NTM: variants seen among roughly 807,000 people sequenced by gnomAD.
NTM encodes neurotrimin.
Under a neutral mutation model 42.1 loss-of-function variants are expected in NTM, and 13 were observed. That is an observed-to-expected ratio of 0.31 (90% CI 0.20 to 0.49). The LOEUF (loss-of-function observed/expected upper bound fraction) is 0.49. NTM is among the 20% of genes least tolerant of loss of function. NTM has a pLI of 0.99. For missense variants in NTM, 373 were observed against 452.8 expected (o/e 0.82, Z 1.60); for synonymous variants, 187 against 179.2 (o/e 1.04, Z -0.35).
intron 1 of NTM, among the ~76,000 whole-genome samples, chr11:131,650,501 CCTGGTTTCT>C (rs1403790033): frequency 6.6e-6 from 1 of 152,178 alleles, no homozygotes; most frequent in Non-Finnish European, 1.5e-5. Context: ...TTTTGACTTC[CCTGGTTTCT>C]CAGTAAAGAC....
intron 2 of NTM, among the ~76,000 whole-genome samples, chr11:131,972,318 G>T (rs1462499110): frequency 6.6e-6 from 1 of 151,978 alleles, no homozygotes; most frequent in African/African-American, 2.4e-5. Flanking sequence ...ACTTACAATA[G>T]TGTCTGGCCA....
chr11:131,917,622 T>C (rs1468749513), intron 2 of NTM, among the ~76,000 whole-genome samples: 1 of 152,152 alleles, frequency 6.6e-6, no homozygotes, highest in African/African-American at 2.4e-5. Context: ...TTTCTCTCTG[T>C]TTGTGGAGTC....
chr11:132,200,741 G>A (rs2081034499), intron 3 of NTM, among the ~76,000 whole-genome samples: 1 of 152,206 alleles, frequency 6.6e-6, no homozygotes, highest in Non-Finnish European at 1.5e-5. Flanking sequence ...GACCACCTGG[G>A]GACAGGGGCT....
At chr11:131,805,387 C>A (rs971806911) in intron 1 of NTM, among the ~76,000 whole-genome samples, 1 of 152,114 alleles carries the variant, frequency 6.6e-6, no homozygotes, top group African/African-American at 2.4e-5. Flanking sequence ...CCACAAGAAG[C>A]CTTGTTTGAT....
At chr11:131,806,956 C>T (rs1413917520) in intron 1 of NTM, among the ~76,000 whole-genome samples, 1 of 152,170 alleles carries the variant, frequency 6.6e-6, no homozygotes, top group South Asian at 2.1e-4. Context: ...TATAAAGAAA[C>T]TGCTGGGAGC....
At chr11:132,167,060 A>G (rs1353495207) in intron 3 of NTM, among the ~76,000 whole-genome samples, 1 of 152,180 alleles carries the variant, frequency 6.6e-6, no homozygotes, top group Non-Finnish European at 1.5e-5. Flanking sequence ...CTTAAAAAAG[A>G]TACACTTTAT....
At chr11:131,545,380 A>T (rs1368568734) in intron 1 of NTM, among the ~76,000 whole-genome samples, 1 of 151,148 alleles carries the variant, frequency 6.6e-6, no homozygotes, top group East Asian at 1.9e-4. Flanking sequence ...TTTTTCTCTC[A>T]GCTTTCTCAT....
intron 1 of NTM, among the ~76,000 whole-genome samples, chr11:131,883,155 G>A (rs945752521): frequency 6.6e-6 from 1 of 152,158 alleles, no homozygotes; most frequent in East Asian, 1.9e-4. Context: ...TTTTTCTTGG[G>A]CTGTTTGCTA....
chr11:132,147,064 G>A (rs1419573992), intron 3 of NTM: 1 of 157,930 alleles, frequency 6.3e-6, no homozygotes, highest in African/African-American at 2.4e-5. Flanking sequence ...GGTTTTGGAT[G>A]CCATTTCTCC....
chr11:131,774,885 T>A (rs953205072), intron 1 of NTM, among the ~76,000 whole-genome samples: 1 of 152,208 alleles, frequency 6.6e-6, no homozygotes, highest in African/African-American at 2.4e-5. Context: ...TTCTGTAATG[T>A]CTCATGAGAA....
chr11:131,914,549 C>T (rs770239484), intron 2 of NTM, among the ~76,000 whole-genome samples: 12 of 152,164 alleles, frequency 7.9e-5, no homozygotes, highest in Admixed American at 1.3e-4. Context: ...GGATCTTTTG[C>T]AGTCCCTAAA....
intron 1 of NTM, among the ~76,000 whole-genome samples, chr11:131,501,728 C>T (rs2046856018): frequency 6.6e-6 from 1 of 152,150 alleles, no homozygotes; most frequent in Admixed American, 6.5e-5. Context: ...GTTACAACAG[C>T]ATTTGTTGCA....
chr11:132,205,795 T>C (rs1206565123), intron 3 of NTM, among the ~76,000 whole-genome samples: 1 of 152,202 alleles, frequency 6.6e-6, no homozygotes, highest in Non-Finnish European at 1.5e-5. Flanking sequence ...ACTGGGATCT[T>C]GCCCAGACCT....
intron 1 of NTM, among the ~76,000 whole-genome samples, chr11:131,896,049 G>T (rs553480433): frequency 6.6e-6 from 1 of 152,278 alleles, no homozygotes; most frequent in Non-Finnish European, 1.5e-5. Flanking sequence ...TAAGAGTTGG[G>T]TCTTTATGTC....
intron 4 of NTM, among the ~76,000 whole-genome samples, chr11:132,246,216 C>A (rs753223916): frequency 1.3e-5 from 2 of 152,226 alleles, no homozygotes; most frequent in Non-Finnish European, 2.9e-5. Flanking sequence ...TGCCGCACCT[C>A]CCGCACAGGT....
intron 1 of NTM, among the ~76,000 whole-genome samples, chr11:131,852,905 T>TCCGTCCATCCATCCATCCAGCCAC (rs1565631091): frequency 7.0e-6 from 1 of 142,178 alleles, no homozygotes; most frequent in African/African-American, 2.8e-5. Context: ...CACCCACCCA[T>TCCGTCCATCCATCCATCCAGCCAC]CCATCCATCC....
intron 2 of NTM, among the ~76,000 whole-genome samples, chr11:132,024,672 C>T (rs1450776428): frequency 6.6e-6 from 1 of 152,178 alleles, no homozygotes; most frequent in African/African-American, 2.4e-5. Context: ...CTCAGATGCG[C>T]AGATACAGTC....
intron 1 of NTM, among the ~76,000 whole-genome samples, chr11:131,896,518 C>T (rs1280255412): frequency 1.3e-5 from 2 of 152,134 alleles, no homozygotes; most frequent in East Asian, 1.9e-4. Flanking sequence ...CCACTGAGTA[C>T]GTGATTTTTC....
chr11:131,604,975 C>T (rs888069717), intron 1 of NTM, among the ~76,000 whole-genome samples: 12 of 151,600 alleles, frequency 7.9e-5, no homozygotes, highest in South Asian at 2.1e-4. Flanking sequence ...GCTACTAATA[C>T]GTTTTGAAAT....
Sources: allele counts gnomAD v4.1 joint callset (sites outside exome capture counted in the v4.1 genomes callset), GRCh38; gene constraint gnomAD v4.1.1; transcripts MANE v1.5; gene names NCBI Gene and HGNC (gene_info 2026-07-23, HGNC 2026-07-21).